The following IL7 variants were observed in gnomAD, a reference collection of about 807,000 sequenced individuals.
IL7 encodes interleukin-7.
A neutral mutation model predicts 21.6 loss-of-function variants in IL7; 3 were observed. That is an observed-to-expected ratio of 0.14 (90% confidence interval 0.06 to 0.36). The LOEUF (loss-of-function observed/expected upper bound fraction) is 0.36. Ranked by LOEUF, IL7 falls within the 10% of genes least tolerant of loss-of-function variation. The pLI is 1.00. For missense variants in IL7, 175 were observed against 200.2 expected (o/e 0.87, Z 0.76); for synonymous variants, 62 against 68.1 (o/e 0.91, Z 0.44).
intron 2 of IL7, among the ~76,000 whole-genome samples, chr8:78,778,076 G>C (rs1367708579): frequency 6.6e-6 from 1 of 152,034 alleles, no homozygotes; most frequent in Non-Finnish European, 1.5e-5. Flanking sequence ...ATTTTCAACT[G>C]TAATTATCAG....
chr8:78,708,626 A>G (rs1391454613), intron 3 of IL7, among the ~76,000 whole-genome samples: 1 of 151,908 alleles, frequency 6.6e-6, no homozygotes, highest in Non-Finnish European at 1.5e-5. Context: ...AAACAACAAA[A>G]CACACCCAAG....
In IL7 at chr8:78,805,025, C is replaced by CCGAGT; in HGVS notation, c.-108_-104dup. On this transcript the variant is annotated 5_prime_UTR_variant, in exon 1 of 6. An upstream open reading frame in the 5' UTR loses its in-frame stop. Transcript: ENST00000263851. ...AGGACCCTGGTCTTCCGCGGAGTTG[C>CCGAGT]CGAGTCTGTGTTGGGCAGGGTGATC... The CCGAGT allele has an allele frequency of 7.5e-7, 1 of 1,330,960 alleles. No homozygotes were observed. The highest frequency in any genetic ancestry group is 1.4e-5 in the South Asian group (1 of 73,982). The allele number at this position is 1,330,960 out of a possible 1,614,324, so 82.4% of individuals were successfully genotyped here. A position where few individuals can be genotyped will look rare whatever the true frequency, so the allele number is the denominator to read the frequency against.
chr8:78,696,059 G>A (rs1044262366), intron 3 of IL7, among the ~76,000 whole-genome samples: 17 of 150,472 alleles, frequency 1.1e-4, no homozygotes, highest in African/African-American at 1.2e-4. Context: ...TTTTTGAGAC[G>A]GAGTCTTGCT....
At chr8:78,799,981 C>T (rs1450613209) in intron 1 of IL7, among the ~76,000 whole-genome samples, 2 of 152,146 alleles carry the variant, frequency 1.3e-5, no homozygotes, top group Non-Finnish European at 2.9e-5. Context: ...ATTTAATATA[C>T]TGTACAGTGG....
chr8:78,774,627 T>A (rs1813071454), intron 2 of IL7, among the ~76,000 whole-genome samples: 1 of 152,052 alleles, frequency 6.6e-6, no homozygotes, highest in Non-Finnish European at 1.5e-5. Flanking sequence ...ACCCATAACA[T>A]AGCGTGTTTT....
At chr8:78,800,718 T>A (rs985797875) in intron 1 of IL7, among the ~76,000 whole-genome samples, 2 of 152,260 alleles carry the variant, frequency 1.3e-5, no homozygotes, top group African/African-American at 4.8e-5. Flanking sequence ...ATCATACTTT[T>A]TATTTTCTCT....
At chr8:78,795,906 G>A (rs1388823274) in intron 2 of IL7, among the ~76,000 whole-genome samples, 1 of 151,994 alleles carries the variant, frequency 6.6e-6, no homozygotes, top group East Asian at 1.9e-4. Context: ...CCTACAAGAG[G>A]TATAACACTA....
intron 2 of IL7, chr8:78,761,131 A>G: frequency 6.3e-7 from 1 of 1,596,178 alleles, no homozygotes. Flanking sequence ...TTTCAAAAGC[A>G]TCATGCCTCC....
intron 2 of IL7, 81 bp downstream of exon 2, chr8:78,797,991 C>T (rs1376318737): frequency 9.2e-7 from 1 of 1,087,740 alleles, no homozygotes; most frequent in Non-Finnish European, 1.3e-6. Flanking sequence ...AAGATGAATA[C>T]TTGATTATAA....
At chr8:78,723,189 A>G (rs1163962777) in intron 3 of IL7, among the ~76,000 whole-genome samples, 1 of 151,266 alleles carries the variant, frequency 6.6e-6, no homozygotes, top group Non-Finnish European at 1.5e-5. Context: ...TTGGATTCAT[A>G]CATTTTCTAG....
intron 4 of IL7, among the ~76,000 whole-genome samples, chr8:78,685,435 T>C (rs1809938148): frequency 1.3e-5 from 2 of 152,246 alleles, no homozygotes; most frequent in South Asian, 4.1e-4. Flanking sequence ...CCAGAGGCCA[T>C]AAAAGATCAG....
chr8:78,728,976 T>C (rs980934161), downstream of IL7, among the ~76,000 whole-genome samples: 2 of 152,050 alleles, frequency 1.3e-5, no homozygotes, highest in Non-Finnish European at 2.9e-5. Flanking sequence ...AAGTCTAACA[T>C]TTAATAATTT....
chr8:78,753,660 G>A (rs1281610635), intron 2 of IL7, among the ~76,000 whole-genome samples: 1 of 151,970 alleles, frequency 6.6e-6, no homozygotes, highest in Non-Finnish European at 1.5e-5. Context: ...TGCCTATGTC[G>A]TGAATGGTAT....
chr8:78,749,827 A>G (rs930405114), intron 2 of IL7, among the ~76,000 whole-genome samples: 1 of 152,104 alleles, frequency 6.6e-6, no homozygotes, highest in Non-Finnish European at 1.5e-5. Flanking sequence ...TGAGCCCAGA[A>G]GTTTGAGACC....
intron 2 of IL7, among the ~76,000 whole-genome samples, chr8:78,742,514 T>C (rs1362668593): frequency 1.3e-5 from 2 of 152,110 alleles, no homozygotes; most frequent in African/African-American, 2.4e-5. Context: ...TTAGGTGAAG[T>C]TATTTTTTAA....
intron 2 of IL7, among the ~76,000 whole-genome samples, chr8:78,766,065 A>C (rs1812744240): frequency 1.3e-5 from 2 of 152,144 alleles, no homozygotes; most frequent in African/African-American, 4.8e-5. Context: ...AAGTGAAAGA[A>C]GCCAAACTGA....
chr8:78,754,220 G>A (rs1007989192), intron 2 of IL7, among the ~76,000 whole-genome samples: 1 of 152,092 alleles, frequency 6.6e-6, no homozygotes, highest in African/African-American at 2.4e-5. Flanking sequence ...CAAAATCAAT[G>A]TGCAAAAATC....
At chr8:78,776,875 G>T (rs1813152863) in intron 2 of IL7, among the ~76,000 whole-genome samples, 2 of 151,888 alleles carry the variant, frequency 1.3e-5, no homozygotes, top group African/African-American at 4.8e-5. Flanking sequence ...ATTGACACAG[G>T]GTCCACACGG....
At position 78,733,598 on chromosome 8, in the gene IL7, C is replaced by T; in HGVS notation, c.*115G>A. On this transcript the variant is annotated 3_prime_UTR_variant, in exon 6 of 6. Transcript: ENST00000263851. ...CTCAAATGCCCTAATCCGTTTTGAC[C>T]ATGGTGCATTCAGTAACTTCTAGGA... 3 of 1,074,432 alleles carry T rather than the reference C, an allele frequency of 2.8e-6. No individual in the cohort carries two copies. Among genetic ancestry groups the T allele is most frequent in the East Asian group, 2.7e-5 (1 of 37,300 alleles). The allele number at this position is 1,074,432 out of a possible 1,614,324, so 66.6% of individuals were successfully genotyped here.
Sources: allele counts gnomAD v4.1 joint callset (sites outside exome capture counted in the v4.1 genomes callset), GRCh38; gene constraint gnomAD v4.1.1; transcripts MANE v1.5; gene names NCBI Gene and HGNC (gene_info 2026-07-23, HGNC 2026-07-21).